Variants in NDST3 observed in about 807,000 individuals in gnomAD.
NDST3 encodes the protein N-deacetylase and N-sulfotransferase 3.
NDST3 carries 58 observed loss-of-function variants against 96.1 expected under a neutral mutation model. That is an observed-to-expected ratio of 0.60 (90% CI 0.49 to 0.75). NDST3 has a LOEUF of 0.75. Ranked by LOEUF, NDST3 falls within the 30% of genes least tolerant of loss-of-function variation. The pLI is 0.00. For missense variants in NDST3, 788 were observed against 1,034.2 expected (o/e 0.76, Z 3.27); for synonymous variants, 333 against 359.7 (o/e 0.93, Z 0.84).
At chr4:118,190,877 C>T (rs545526188) in intron 6 of NDST3, among the ~76,000 whole-genome samples, 9 of 152,118 alleles carry the variant, frequency 5.9e-5, no homozygotes, top group Admixed American at 2.6e-4. Context: ...TGAAGTCATT[C>T]CTATTTTACC....
chr4:118,227,970 C>T (rs142031064), intron 8 of NDST3, among the ~76,000 whole-genome samples: 13 of 152,282 alleles, frequency 8.5e-5, no homozygotes, highest in African/African-American at 2.6e-4. Flanking sequence ...AAGCTTTAAA[C>T]TACCAGACAT....
chr4:118,054,300 C>T lies in NDST3; in HGVS notation c.390C>T (p.Leu130=), dbSNP rs377737125. The T allele has an allele frequency of 5.0e-6, 8 of 1,611,406 alleles. No individual in the cohort carries two copies. Among genetic ancestry groups the T allele is most frequent in the Non-Finnish European group, 6.8e-6 (8 of 1,178,720 alleles). ...ACAAAATGAAAGGCAAATACATTCT[C>T]ATTATTTATGAGAATATTTTAAAGT... is the stretch of plus-strand genomic sequence containing the variant. ...LIDKMKGKYI[L]IIYENILKYI... The change falls in exon 2 of 14, where the codon CTC becomes CTT. Residue 130 remains leucine, a synonymous_variant. Transcript: ENST00000296499.
At chr4:118,212,486 GC>G (rs1738867196) in intron 6 of NDST3, among the ~76,000 whole-genome samples, 1 of 152,226 alleles carries the variant, frequency 6.6e-6, no homozygotes, top group Admixed American at 6.5e-5. Context: ...GCTGCAGTGA[GC>G]TGTGATGGAG....
chr4:118,055,808 A>C (rs1020386369), intron 2 of NDST3, among the ~76,000 whole-genome samples: 1 of 151,908 alleles, frequency 6.6e-6, no homozygotes, highest in Non-Finnish European at 1.5e-5. Context: ...TCAGAGAGCA[A>C]AAAATACATC....
At chr4:118,220,444 C>A (rs1739464906) in intron 6 of NDST3, among the ~76,000 whole-genome samples, 1 of 150,974 alleles carries the variant, frequency 6.6e-6, no homozygotes, top group Non-Finnish European at 1.5e-5. Flanking sequence ...ACACTGAGGC[C>A]AGTTAGGGGA....
intron 4 of NDST3, among the ~76,000 whole-genome samples, chr4:118,134,414 T>C (rs554378876): frequency 1.7e-4 from 26 of 152,302 alleles, no homozygotes; most frequent in African/African-American, 6.0e-4. Flanking sequence ...TTGCAGGGAA[T>C]GTATTGGAAG....
At chr4:118,077,835 G>A (rs1407221363) in intron 2 of NDST3, among the ~76,000 whole-genome samples, 1 of 152,214 alleles carries the variant, frequency 6.6e-6, no homozygotes, top group Non-Finnish European at 1.5e-5. Flanking sequence ...GATTGTGCTT[G>A]CCTGCCGAGT....
chr4:118,097,218 C>T (rs1729386911), intron 2 of NDST3, among the ~76,000 whole-genome samples: 1 of 151,840 alleles, frequency 6.6e-6, no homozygotes, highest in Non-Finnish European at 1.5e-5. Flanking sequence ...ACTTTTGAGC[C>T]AGCACAATTT....
At chr4:118,046,705 C>T (rs959832789) in intron 1 of NDST3, among the ~76,000 whole-genome samples, 4 of 152,232 alleles carry the variant, frequency 2.6e-5, no homozygotes, top group African/African-American at 2.4e-5. Context: ...TCCAAGTGCC[C>T]GAGGGCTGCA....
intron 13 of NDST3, among the ~76,000 whole-genome samples, chr4:118,255,274 G>C (rs1742043320): frequency 6.6e-6 from 1 of 152,116 alleles, no homozygotes; most frequent in South Asian, 2.1e-4. Flanking sequence ...TAAGGGAGTG[G>C]CTGATTTTGT....
chr4:118,223,628 C>T (rs10002634), intron 6 of NDST3, among the ~76,000 whole-genome samples: 25,764 of 151,836 alleles, frequency 0.17, 2,341 homozygotes, highest in South Asian at 0.23. Context: ...TAAATATTAA[C>T]ATAACTTTTT....
At chr4:118,231,342 AAT>A (rs1491478981) in intron 8 of NDST3, among the ~76,000 whole-genome samples, 62 of 66,888 alleles carry the variant, frequency 9.3e-4, no homozygotes, top group African/African-American at 9.9e-4. Flanking sequence ...TCTAAAAAAA[AAT>A]AAATAAATAA....
chr4:118,042,324 T>C (rs1724519373), intron 1 of NDST3, among the ~76,000 whole-genome samples: 1 of 152,126 alleles, frequency 6.6e-6, no homozygotes, highest in African/African-American at 2.4e-5. Context: ...ATATCTCTCA[T>C]TTCCATTCTC....
intron 4 of NDST3, among the ~76,000 whole-genome samples, chr4:118,118,620 T>A (rs184186293): frequency 3.2e-4 from 49 of 152,340 alleles, no homozygotes; most frequent in African/African-American, 1.1e-3. Context: ...GTAAATCCTT[T>A]AAGCAAACTT....
intron 3 of NDST3, among the ~76,000 whole-genome samples, chr4:118,109,869 G>C (rs548698848): frequency 6.6e-6 from 1 of 152,162 alleles, no homozygotes; most frequent in Non-Finnish European, 1.5e-5. Context: ...TGTCAGAAGA[G>C]AGCTTTATCT....
chr4:118,171,867 G>A (rs796247088), intron 6 of NDST3, among the ~76,000 whole-genome samples: 8 of 152,240 alleles, frequency 5.3e-5, no homozygotes, highest in Admixed American at 1.3e-4. Context: ...TAAATGTAGC[G>A]TGTCAGGAGC....
At chr4:118,122,409 T>A (rs1345943937) in intron 4 of NDST3, among the ~76,000 whole-genome samples, 5 of 152,216 alleles carry the variant, frequency 3.3e-5, no homozygotes, top group Admixed American at 2.6e-4. Context: ...CAATTTCACA[T>A]GAGTGCTAAC....
intron 6 of NDST3, among the ~76,000 whole-genome samples, chr4:118,164,762 C>G (rs1438933464): frequency 6.6e-6 from 1 of 151,944 alleles, no homozygotes; most frequent in African/African-American, 2.4e-5. Context: ...ATAAAAAACA[C>G]TATAACTATA....
chr4:118,038,061 G>A (rs564228652), intron 1 of NDST3, among the ~76,000 whole-genome samples: 1 of 152,274 alleles, frequency 6.6e-6, no homozygotes, highest in South Asian at 2.1e-4. Flanking sequence ...GGCAACCAAT[G>A]AGAGGCCAGG....
Sources: gnomAD v4.1 joint callset for allele counts (sites outside exome capture counted in the v4.1 genomes callset) on GRCh38, gnomAD v4.1.1 for gene constraint, MANE v1.5 for transcripts, NCBI Gene and HGNC (gene_info 2026-07-23, HGNC 2026-07-21) for gene names.